SOX6: variants seen among roughly 807,000 people sequenced by gnomAD.
The protein encoded by SOX6 is SRY-box transcription factor 6.
Under a neutral mutation model 97.8 loss-of-function variants are expected in SOX6, and 11 were observed. The observed-to-expected ratio is 0.11, with a 90% confidence interval of 0.07 to 0.19. SOX6 has a LOEUF of 0.19. SOX6 is among the 10% of genes least tolerant of loss of function. The pLI is 1.00. For missense variants in SOX6, 810 were observed against 1,039.5 expected (o/e 0.78, Z 3.04); for synonymous variants, 360 against 371.4 (o/e 0.97, Z 0.35).
intron 4 of SOX6, among the ~76,000 whole-genome samples, chr11:16,228,403 A>G (rs1852746462): frequency 6.6e-6 from 1 of 152,198 alleles, no homozygotes. Flanking sequence ...ATAGCATTCT[A>G]TCCTCAGTAA....
intron 6 of SOX6, among the ~76,000 whole-genome samples, chr11:16,133,698 G>GT (rs199572147): frequency 6.7e-6 from 1 of 149,806 alleles, no homozygotes; most frequent in Non-Finnish European, 1.5e-5. Flanking sequence ...GTTTTGTTTT[G>GT]TTTGTTTTGA....
At chr11:16,497,178 G>A (rs1222542989) in intron 4 of SOX6, among the ~76,000 whole-genome samples, 1 of 152,174 alleles carries the variant, frequency 6.6e-6, no homozygotes, top group South Asian at 2.1e-4. Flanking sequence ...CTGTTCTGCA[G>A]CCTCTGTTGC....
intron 6 of SOX6, among the ~76,000 whole-genome samples, chr11:16,126,889 G>T (rs1812941265): frequency 6.6e-6 from 1 of 152,026 alleles, no homozygotes; most frequent in South Asian, 2.1e-4. Context: ...TATGTTTTCT[G>T]TTTTTAAAGT....
intron 2 of SOX6, among the ~76,000 whole-genome samples, chr11:16,730,975 CATAA>C (rs1339549742): frequency 1.3e-5 from 2 of 152,108 alleles, no homozygotes; most frequent in Non-Finnish European, 2.9e-5. Flanking sequence ...AACACCTCTA[CATAA>C]ATAAACTAGA....
At chr11:16,444,240 G>GT in intron 1 of SOX6, among the ~76,000 whole-genome samples, 2 of 152,174 alleles carry the variant, frequency 1.3e-5, no homozygotes, top group Non-Finnish European at 2.9e-5. Context: ...GTTAAAAAAT[G>GT]GTTTATGTCT....
chr11:16,432,627 T>C (rs1859293267), intron 1 of SOX6, among the ~76,000 whole-genome samples: 1 of 152,042 alleles, frequency 6.6e-6, no homozygotes, highest in Non-Finnish European at 1.5e-5. Flanking sequence ...GTCTCAATAT[T>C]TGTGGTGATT....
intron 1 of SOX6, among the ~76,000 whole-genome samples, chr11:16,415,101 T>C (rs1208999250): frequency 6.6e-6 from 1 of 152,040 alleles, no homozygotes; most frequent in Admixed American, 6.6e-5. Context: ...ATTTTGCAAA[T>C]GAGTAAGAAA....
At chr11:16,198,381 A>G (rs1400519062) in intron 4 of SOX6, among the ~76,000 whole-genome samples, 1 of 152,030 alleles carries the variant, frequency 6.6e-6, no homozygotes. Flanking sequence ...AAATCACTTT[A>G]TGCAATAATT....
rs1408751661 is a variant in SOX6, at chr11:16,014,735, T to G, written c.1732+207A>C. On this transcript the variant is annotated intron_variant, in intron 13 of 15. Transcript: ENST00000683767. ...TTGGATTGCTAAGTATTCGGTAATGTAAGATCTAACTGCTTCTTAAAGTCT... is the reference window on the plus strand; with the variant it reads ...TTGGATTGCTAAGTATTCGGTAATGGAAGATCTAACTGCTTCTTAAAGTCT... Among the ~76,000 whole-genome samples the G allele has an allele frequency of 3.3e-5, 5 of 152,072 alleles. No homozygotes were observed. In the East Asian group the frequency reaches 9.7e-4, roughly 29 times the overall value.
intron 6 of SOX6, among the ~76,000 whole-genome samples, chr11:16,161,694 C>A (rs543114172): frequency 6.6e-6 from 1 of 152,148 alleles, no homozygotes; most frequent in African/African-American, 2.4e-5. Context: ...ACTCCTGGTG[C>A]TAAGTTTTCT....
intron 1 of SOX6, among the ~76,000 whole-genome samples, chr11:16,384,443 C>G (rs80162612): frequency 1.3e-5 from 2 of 151,592 alleles, no homozygotes; most frequent in Admixed American, 1.3e-4. Flanking sequence ...AATAAACTCA[C>G]GTGAAAAAGA....
At chr11:16,682,064 A>G (rs1192325117) in intron 3 of SOX6, among the ~76,000 whole-genome samples, 2 of 152,236 alleles carry the variant, frequency 1.3e-5, no homozygotes, top group African/African-American at 4.8e-5. Context: ...TCCTTTTGAA[A>G]CTATTCCAAT....
At chr11:16,263,028 T>C (rs1432711111) in intron 3 of SOX6, among the ~76,000 whole-genome samples, 1 of 151,944 alleles carries the variant, frequency 6.6e-6, no homozygotes, top group East Asian at 1.9e-4. Flanking sequence ...CTCCCTCAAA[T>C]TCACCTGTCT....
intron 15 of SOX6, among the ~76,000 whole-genome samples, chr11:15,974,005 A>C (rs1424690507): frequency 6.6e-6 from 1 of 152,228 alleles, no homozygotes; most frequent in Non-Finnish European, 1.5e-5. Flanking sequence ...ACAGGAATGA[A>C]ACATCTACCT....
At chr11:15,984,771 T>A (rs1853779377) in intron 15 of SOX6, among the ~76,000 whole-genome samples, 1 of 152,220 alleles carries the variant, frequency 6.6e-6, no homozygotes, top group Admixed American at 6.5e-5. Flanking sequence ...TGCCATGGTA[T>A]AAAGAAATTC....
intron 1 of SOX6, among the ~76,000 whole-genome samples, chr11:16,470,028 G>A (rs1162939455): frequency 6.6e-6 from 1 of 152,132 alleles, no homozygotes; most frequent in East Asian, 1.9e-4. Flanking sequence ...AATTAAAGTA[G>A]ATTTCTGGCC....
chr11:16,616,797 T>G (rs1008936803), intron 3 of SOX6, among the ~76,000 whole-genome samples: 4 of 151,922 alleles, frequency 2.6e-5, no homozygotes, highest in African/African-American at 9.7e-5. Context: ...ACCAACAAAT[T>G]GTATACATTT....
intron 3 of SOX6, among the ~76,000 whole-genome samples, chr11:16,253,363 A>T (rs1391099075): frequency 6.6e-6 from 1 of 151,996 alleles, no homozygotes; most frequent in Non-Finnish European, 1.5e-5. Context: ...AAAAAAAGAA[A>T]CTGAACAAGC....
At chr11:16,644,163 C>T (rs1848971637) in intron 3 of SOX6, among the ~76,000 whole-genome samples, 1 of 152,170 alleles carries the variant, frequency 6.6e-6, no homozygotes, top group South Asian at 2.1e-4. Context: ...ACCTCGGCCT[C>T]CCAAGTAGCT....
Sources: allele counts gnomAD v4.1 joint callset (sites outside exome capture counted in the v4.1 genomes callset), GRCh38; gene constraint gnomAD v4.1.1; transcripts MANE v1.5; gene names NCBI Gene and HGNC (gene_info 2026-07-23, HGNC 2026-07-21).